The following DMD variants were observed in gnomAD, a reference collection of about 807,000 sequenced individuals.
The protein encoded by DMD is mutant dystrophin.
In DMD, 63 loss-of-function variants were observed where a neutral mutation model predicts 330.1. The observed-to-expected ratio is 0.19, with a 90% CI of 0.16 to 0.24. The LOEUF (loss-of-function observed/expected upper bound fraction) is 0.24. DMD is among the 10% of genes least tolerant of loss of function. DMD has a pLI of 1.00. For synonymous variants in DMD, 1,223 were observed against 959.8 expected (o/e 1.27, Z -5.07); for missense variants, 3,344 against 2,684.1 (o/e 1.25, Z -5.43).
intron 7 of DMD, among the ~76,000 whole-genome samples, chrX:32,712,414 T>A (rs2065273027): frequency 9.0e-6 from 1 of 111,632 alleles, no homozygotes; most frequent in South Asian, 3.7e-4. Context: ...TTCTTAAATG[T>A]GAAACCTCAG....
At chrX:31,749,964 G>A (rs1455799861) in intron 51 of DMD, among the ~76,000 whole-genome samples, 198 of 107,506 alleles carry the variant, frequency 1.8e-3, no homozygotes, top group African/African-American at 6.3e-3. Context: ...GTCTGTTCAT[G>A]TCCTTCGCCC....
Position 32,890,677 on chromosome X carries a change from GA to G in DMD, c.94-40858del, listed in dbSNP as rs950807015. ...AACATCCCAGATTGTCTAAAAAAAA[GA>G]AATTCGGGAAATCAGAACGTTTTAT... On this transcript the variant is annotated intron_variant, in intron 2 of 78. Transcript: ENST00000357033. 5.4e-5 allele frequency among the ~76,000 whole-genome samples: 6 copies of G among 111,428 alleles called. No individual in the cohort carries two copies. The Admixed American group carries it at 5.7e-4, about 11-fold the overall frequency.
chrX:32,084,733 T>C (rs1448977459), intron 44 of DMD, among the ~76,000 whole-genome samples: 1 of 111,389 alleles, frequency 9.0e-6, no homozygotes, highest in Non-Finnish European at 1.9e-5. Context: ...AGCTATCTAA[T>C]GAGGACAACA....
intron 1 of DMD, among the ~76,000 whole-genome samples, chrX:33,292,620 G>C (rs1424761894): frequency 9.1e-6 from 1 of 110,263 alleles, no homozygotes; most frequent in Non-Finnish European, 1.9e-5. Context: ...TTGGATTCTG[G>C]AGACAGTGGA....
intron 1 of DMD, among the ~76,000 whole-genome samples, chrX:33,065,597 CTT>C (rs202125611): frequency 0.32 from 35,664 of 111,398 alleles, 4,297 homozygotes; most frequent in East Asian, 0.64. Flanking sequence ...TCACAATTGG[CTT>C]TTCATTATAT....
At chrX:32,723,903 A>G (rs2066593599) in intron 7 of DMD, among the ~76,000 whole-genome samples, 2 of 111,010 alleles carry the variant, frequency 1.8e-5, no homozygotes, top group South Asian at 7.4e-4. Flanking sequence ...AAAAAATCTC[A>G]TAATGTTTTA....
At chrX:31,347,937 T>C (rs1436184529) in intron 61 of DMD, among the ~76,000 whole-genome samples, 5 of 112,387 alleles carry the variant, frequency 4.4e-5, no homozygotes, top group Non-Finnish European at 5.6e-5. Context: ...CGATATATCA[T>C]GTGGTCTTGA....
chrX:32,894,719 A>G (rs2085546579), intron 2 of DMD, among the ~76,000 whole-genome samples: 1 of 112,428 alleles, frequency 8.9e-6, no homozygotes, highest in Non-Finnish European at 1.9e-5. Context: ...TGTCTGCAGT[A>G]CAGGGTCATT....
At chrX:33,338,651 A>G (rs1264649021) in intron 1 of DMD, among the ~76,000 whole-genome samples, 2 of 111,164 alleles carry the variant, frequency 1.8e-5, no homozygotes, top group Non-Finnish European at 3.8e-5. Flanking sequence ...AAACGTGAAT[A>G]CAGTTCAATA....
At chrX:32,307,275 G>T (rs764693742) in intron 42 of DMD, among the ~76,000 whole-genome samples, 1 of 111,179 alleles carries the variant, frequency 9.0e-6, no homozygotes, top group Non-Finnish European at 1.9e-5. Context: ...TCTTAATCCT[G>T]GAACAGAATT....
intron 11 of DMD, among the ~76,000 whole-genome samples, chrX:32,636,879 T>A (rs771558615): frequency 9.1e-6 from 1 of 109,351 alleles, no homozygotes; most frequent in Admixed American, 9.8e-5. Flanking sequence ...GCACCTGTAG[T>A]CCCAACTACT....
At chrX:33,260,029 G>T (rs1367456628) in intron 1 of DMD, among the ~76,000 whole-genome samples, 1 of 110,847 alleles carries the variant, frequency 9.0e-6, no homozygotes, top group African/African-American at 3.3e-5. Context: ...ATAAATATTT[G>T]CACTCAGGTT....
chrX:32,709,837 G>A (rs2065021618), intron 7 of DMD, among the ~76,000 whole-genome samples: 1 of 110,984 alleles, frequency 9.0e-6, no homozygotes, highest in Non-Finnish European at 1.9e-5. Flanking sequence ...TTTTATATAA[G>A]AATATAAAAA....
chrX:32,319,402 AT>A (rs2097599217), intron 41 of DMD, among the ~76,000 whole-genome samples: 1 of 111,850 alleles, frequency 8.9e-6, no homozygotes. Flanking sequence ...ACAGTATGTT[AT>A]CAAAAATATT....
intron 51 of DMD, among the ~76,000 whole-genome samples, chrX:31,754,373 T>C (rs2088873337): frequency 9.0e-6 from 1 of 111,066 alleles, no homozygotes; most frequent in Admixed American, 9.7e-5. Flanking sequence ...TAATGGTAAG[T>C]TGGTTGGTTT....
At chrX:31,376,269 T>C (rs1437060950) in intron 60 of DMD, among the ~76,000 whole-genome samples, 1 of 112,202 alleles carries the variant, frequency 8.9e-6, no homozygotes, top group Non-Finnish European at 1.9e-5. Flanking sequence ...ACAAAAGAAA[T>C]TATACTCTGT....
chrX:31,799,146 G>A (rs2091953833), intron 50 of DMD, among the ~76,000 whole-genome samples: 1 of 111,877 alleles, frequency 8.9e-6, no homozygotes, highest in African/African-American at 3.3e-5. Flanking sequence ...TGAACAATAC[G>A]CTGATTTCTA....
At position 32,389,542 on chromosome X, in the gene DMD, C is replaced by T. The variant is rs2097986154; in HGVS notation, c.4477G>A (p.Val1493Met). The T allele has an allele frequency of 2.5e-6, 3 of 1,211,426 alleles. No homozygotes were observed. The highest frequency in any genetic ancestry group is 1.7e-5 in the African/African-American group (1 of 57,858). ...MHLPALETKS[V>M]EQEVVQSQLN... ...TGTGACTGTACTACTTCCTGTTCCA[C>T]ACTCTTTGTTTCCAATGCAGGCAAG... The change falls in exon 32 of 79, where the codon GTG becomes ATG. Residue 1493 changes from valine to methionine, a missense_variant. Physicochemically the swap from Val to Met is conservative, Grantham distance 21. Coordinates refer to ENST00000357033, the MANE Select transcript of DMD (RefSeq NM_004006.3).
intron 2 of DMD, among the ~76,000 whole-genome samples, chrX:32,983,918 T>C (rs934286566): frequency 2.7e-5 from 3 of 111,656 alleles, no homozygotes; most frequent in South Asian, 7.5e-4. Context: ...TAAAAAATGC[T>C]ACATGATATG....
Sources: allele counts gnomAD v4.1 joint callset (sites outside exome capture counted in the v4.1 genomes callset), GRCh38; gene constraint gnomAD v4.1.1; transcripts MANE v1.5; gene names NCBI Gene and HGNC (gene_info 2026-07-23, HGNC 2026-07-21).